KLF12: variants seen among roughly 807,000 people sequenced by gnomAD.
The protein encoded by KLF12 is KLF transcription factor 12, also known as Krueppel-like factor 12.
KLF12 carries 9 observed loss-of-function variants against 37.8 expected under a neutral mutation model. The observed-to-expected ratio is 0.24, with a 90% CI of 0.14 to 0.42. The LOEUF (loss-of-function observed/expected upper bound fraction) is 0.42, where lower values mean the gene tolerates loss of function less well. Ranked by LOEUF, KLF12 falls within the 10% of genes least tolerant of loss-of-function variation. KLF12 has a pLI of 1.00. For missense variants in KLF12, 411 were observed against 516.0 expected (o/e 0.80, Z 1.97); for synonymous variants, 208 against 202.1 (o/e 1.03, Z -0.25).
intron 7 of KLF12, among the ~76,000 whole-genome samples, chr13:73,696,287 C>T (rs1467687435): frequency 6.6e-6 from 1 of 152,114 alleles, no homozygotes; most frequent in Admixed American, 6.5e-5. Flanking sequence ...AGTTTAAGTA[C>T]ATTTTTCAGG....
chr13:74,151,181 C>T, the KLF12 span, among the ~76,000 whole-genome samples: 62,821 of 151,982 alleles, frequency 0.41, 14,446 homozygotes, highest in East Asian at 0.79. Context: ...GAGCACTAAA[C>T]GAGGACTGAA....
chr13:73,823,273 T>TAA (rs544530659), intron 4 of KLF12, among the ~76,000 whole-genome samples: 1 of 144,650 alleles, frequency 6.9e-6, no homozygotes, highest in Non-Finnish European at 1.5e-5. Flanking sequence ...AAGAAATACT[T>TAA]AAAAAAAAAA....
At chr13:74,245,942 G>T in the KLF12 span, among the ~76,000 whole-genome samples, 7 of 152,200 alleles carry the variant, frequency 4.6e-5, no homozygotes, top group Admixed American at 3.9e-4. Context: ...GCAAAGCTGA[G>T]TTTCAGTAAC....
chr13:73,937,885 C>T (rs1267154703), intron 3 of KLF12, among the ~76,000 whole-genome samples: 2 of 151,954 alleles, frequency 1.3e-5, no homozygotes, highest in Non-Finnish European at 2.9e-5. Flanking sequence ...AGGAGTTTTG[C>T]AAGAGCAGAT....
chr13:73,759,353 A>G (rs949712719), intron 6 of KLF12, among the ~76,000 whole-genome samples: 1 of 152,194 alleles, frequency 6.6e-6, no homozygotes, highest in African/African-American at 2.4e-5. Context: ...AGGCAGTGAA[A>G]TACTCTAGTA....
At chr13:74,204,804 A>G in the KLF12 span, among the ~76,000 whole-genome samples, 1 of 152,132 alleles carries the variant, frequency 6.6e-6, no homozygotes, top group Non-Finnish European at 1.5e-5. Flanking sequence ...TGATTGTACC[A>G]TCATCACTGC....
intron 3 of KLF12, among the ~76,000 whole-genome samples, chr13:73,908,476 C>CT (rs1440961370): frequency 6.7e-6 from 1 of 148,234 alleles, no homozygotes; most frequent in Non-Finnish European, 1.5e-5. Context: ...TTTTCATTTT[C>CT]TTTTTTTCTT....
intron 6 of KLF12, among the ~76,000 whole-genome samples, chr13:73,724,611 C>T (rs963321537): frequency 6.6e-6 from 1 of 151,506 alleles, no homozygotes; most frequent in Non-Finnish European, 1.5e-5. Flanking sequence ...ATATTTTACC[C>T]GCTTTTGATT....
rs79685917 is a variant in KLF12 at position 73,786,904 on chromosome 13, G to A, written c.807-21904C>T. ...CACACCGCTGCACTCTAGCTTGGGC[G>A]ACGGAGTGAGGCCCTGTCTCAAAAC... On this transcript the variant is annotated intron_variant, in intron 5 of 7. Transcript: ENST00000377669. Among the ~76,000 whole-genome samples, 919 of 152,102 alleles carry A rather than the reference G, an allele frequency of 6.0e-3. 7 individuals carry two copies. Among genetic ancestry groups the A allele is most frequent in the Non-Finnish European group, 0.011 (769 of 67,984 alleles).
the KLF12 span, among the ~76,000 whole-genome samples, chr13:74,155,712 A>G: frequency 6.6e-6 from 1 of 152,196 alleles, no homozygotes; most frequent in Non-Finnish European, 1.5e-5. Context: ...GCAACTGAAG[A>G]TAACTTAGTT....
chr13:74,260,174 A>T, the KLF12 span, among the ~76,000 whole-genome samples: 2 of 152,150 alleles, frequency 1.3e-5, no homozygotes, highest in Non-Finnish European at 2.9e-5. Context: ...GTAACTGCAA[A>T]GTCTCAGAGT....
chr13:73,740,071 T>C (rs78707034), intron 6 of KLF12, among the ~76,000 whole-genome samples: 3,227 of 152,224 alleles, frequency 0.021, 134 homozygotes, highest in African/African-American at 0.075. Flanking sequence ...AACTGTCTCA[T>C]TTAGGTATGT....
chr13:74,198,287 G>A, the KLF12 span, among the ~76,000 whole-genome samples: 1 of 152,158 alleles, frequency 6.6e-6, no homozygotes, highest in Non-Finnish European at 1.5e-5. Flanking sequence ...ATAGGTGGGT[G>A]TGGCTTTCAA....
intron 5 of KLF12, among the ~76,000 whole-genome samples, chr13:73,777,214 A>C (rs1193302446): frequency 6.6e-6 from 1 of 152,194 alleles, no homozygotes; most frequent in African/African-American, 2.4e-5. Flanking sequence ...ATGAGTGAAG[A>C]AAGACGTATG....
chr13:73,830,473 A>C (rs1884092953), intron 4 of KLF12, among the ~76,000 whole-genome samples: 1 of 152,212 alleles, frequency 6.6e-6, no homozygotes, highest in Non-Finnish European at 1.5e-5. Flanking sequence ...ACTTTATTGA[A>C]TTCATTTTCC....
At chr13:73,722,226 C>T (rs1333636791) in intron 6 of KLF12, among the ~76,000 whole-genome samples, 1 of 152,178 alleles carries the variant, frequency 6.6e-6, no homozygotes, top group African/African-American at 2.4e-5. Context: ...GGGAATGAAT[C>T]ATCAAGACCA....
At chr13:74,189,922 A>G in the KLF12 span, among the ~76,000 whole-genome samples, 1 of 152,252 alleles carries the variant, frequency 6.6e-6, no homozygotes, top group African/African-American at 2.4e-5. Flanking sequence ...GAAACATTAA[A>G]GAATGTCCAC....
intron 1 of KLF12, among the ~76,000 whole-genome samples, chr13:74,078,890 A>G (rs1473084008): frequency 6.6e-6 from 1 of 152,162 alleles, no homozygotes; most frequent in African/African-American, 2.4e-5. Context: ...GAGATTGTAA[A>G]ATGTACCGTA....
chr13:73,738,116 TATATATATACACAC>T (rs1208545521), intron 6 of KLF12, among the ~76,000 whole-genome samples: 1 of 66,586 alleles, frequency 1.5e-5, no homozygotes, highest in African/African-American at 1.0e-4. Flanking sequence ...TATATATATA[TATATATATACACAC>T]ACACACATAT....
Sources: allele counts gnomAD v4.1 joint callset (sites outside exome capture counted in the v4.1 genomes callset), GRCh38; gene constraint gnomAD v4.1.1; transcripts MANE v1.5; gene names NCBI Gene and HGNC (gene_info 2026-07-23, HGNC 2026-07-21).